The following RHOH variants were observed in gnomAD, a reference collection of about 807,000 sequenced individuals.
The protein encoded by RHOH is ras homolog family member H.
In RHOH, 6 loss-of-function variants were observed where a neutral mutation model predicts 13.8. That is an observed-to-expected ratio of 0.44 (90% CI 0.24 to 0.86). RHOH has a LOEUF of 0.86. RHOH is among the 40% of genes least tolerant of loss of function. The probability of loss-of-function intolerance (pLI) is 0.24; values close to 1 mark genes in which losing one functional copy is unlikely to be tolerated. For missense variants in RHOH, 147 were observed against 244.5 expected (o/e 0.60, Z 2.66); for synonymous variants, 117 against 103.0 (o/e 1.14, Z -0.82).
chr4:40,202,931 T>C (rs1200235211), intron 1 of RHOH, among the ~76,000 whole-genome samples: 2 of 152,168 alleles, frequency 1.3e-5, no homozygotes, highest in Non-Finnish European at 2.9e-5. Context: ...TGTAGAGCAA[T>C]GGTTCTCAAG....
chr4:40,219,581 TC>T (rs1726303539), intron 1 of RHOH, among the ~76,000 whole-genome samples: 2 of 152,146 alleles, frequency 1.3e-5, no homozygotes, highest in African/African-American at 4.8e-5. Context: ...GGTATATTTT[TC>T]ACTTTTATAC....
chr4:40,218,376 T>A lies in RHOH; in HGVS notation c.-331+21076T>A, dbSNP rs564068581. 6.6e-6 allele frequency: 1 copy of A among 152,346 alleles called. No individual in the cohort carries two copies. Among genetic ancestry groups the A allele is most frequent in the African/African-American group, 2.4e-5 (1 of 41,576 alleles). The allele number at this position is 152,346 out of a possible 1,614,324, so 9.4% of individuals were successfully genotyped here. On this transcript the variant is annotated intron_variant, in intron 1 of 2. Transcript: ENST00000381799. This position sits in a 1 kb window ranked among gnomAD's most constrained non-coding sequence, Gnocchi z 4.1. The stretch of plus-strand genomic sequence containing the variant: ...GCTGGAACATGTTCCCAGGAAAACA[T>A]GCCCAAATTCTGTTCTACCTTGTGT...
At chr4:40,199,365 C>T (rs1723664598) in intron 1 of RHOH, among the ~76,000 whole-genome samples, 1 of 152,224 alleles carries the variant, frequency 6.6e-6, no homozygotes, top group Non-Finnish European at 1.5e-5. Flanking sequence ...CCCAACATTC[C>T]TTTCCAGGGA....
chr4:40,233,911 G>GT (rs1728243723), intron 1 of RHOH, among the ~76,000 whole-genome samples: 1 of 145,224 alleles, frequency 6.9e-6, no homozygotes. Flanking sequence ...GGGCGACAGA[G>GT]TAATACTCCC....
chr4:40,230,879 A>G (rs1301136430), intron 1 of RHOH, among the ~76,000 whole-genome samples: 1 of 151,176 alleles, frequency 6.6e-6, no homozygotes, highest in Non-Finnish European at 1.5e-5. Flanking sequence ...TAGACCTAGA[A>G]AAATTTTCAG....
chr4:40,239,885 A>G (rs1729046707), intron 1 of RHOH, among the ~76,000 whole-genome samples: 1 of 152,160 alleles, frequency 6.6e-6, no homozygotes, highest in Non-Finnish European at 1.5e-5. Flanking sequence ...CTCAAGAAAA[A>G]AAAAAAAAGA....
At chr4:40,202,973 T>A (rs907939719) in intron 1 of RHOH, among the ~76,000 whole-genome samples, 23 of 152,252 alleles carry the variant, frequency 1.5e-4, no homozygotes, top group South Asian at 8.3e-4. Context: ...TAGTTTTTTT[T>A]AAATTTTTTA....
chr4:40,243,810 G>T lies in RHOH; in HGVS notation c.424G>T (p.Asp142Tyr). The T allele has an allele frequency of 6.2e-7, 1 of 1,614,164 alleles. No homozygotes were observed. ...CATGGAAGGGAAGAAACTGGCCCAG[G>T]ATGTCAGAGCCAAGGGCTACCTGGA... ...NAMEGKKLAQ[D>Y]VRAKGYLECS... The change falls in exon 3 of 3, where the codon GAT (aspartate) becomes TAT (tyrosine). Residue 142 changes from aspartate (D) to tyrosine (Y), a missense_variant. By Grantham distance (160) the Asp-to-Tyr change is radical. Coordinates refer to ENST00000381799, the MANE Select transcript of RHOH (RefSeq NM_004310.5). The surrounding 1 kb of genome is among the most constrained non-coding windows in gnomAD (Gnocchi z 6.2).
intron 1 of RHOH, among the ~76,000 whole-genome samples, chr4:40,225,950 G>A (rs113855169): frequency 2.5e-3 from 387 of 152,206 alleles, no homozygotes; most frequent in African/African-American, 8.5e-3. Context: ...AGTTCCCCCA[G>A]CTGTAAAAAT....
chr4:40,196,692 C>CTTTTTTT (rs397768063), upstream of RHOH, among the ~76,000 whole-genome samples: 1 of 117,678 alleles, frequency 8.5e-6, no homozygotes, highest in Non-Finnish European at 1.7e-5. Context: ...GTGGCATGGA[C>CTTTTTTT]TTTTTTTTTT....
chr4:40,233,848 C>A (rs1391093753), intron 1 of RHOH, among the ~76,000 whole-genome samples: 1 of 151,800 alleles, frequency 6.6e-6, no homozygotes, highest in Non-Finnish European at 1.5e-5. Context: ...ATCGCTTGAA[C>A]TTGGGAGGCA....
At chr4:40,210,256 C>A (rs1480990260) in intron 1 of RHOH, among the ~76,000 whole-genome samples, 1 of 152,140 alleles carries the variant, frequency 6.6e-6, no homozygotes, top group Non-Finnish European at 1.5e-5. Context: ...TGATACAATA[C>A]CTACCAACGG....
chr4:40,233,647 A>G (rs962845445), intron 1 of RHOH, among the ~76,000 whole-genome samples: 2 of 152,254 alleles, frequency 1.3e-5, no homozygotes, highest in Non-Finnish European at 2.9e-5. Flanking sequence ...GCGAGAAAGC[A>G]GTCATAGGCA....
chr4:40,220,787 A>G (rs1269882739), intron 1 of RHOH, among the ~76,000 whole-genome samples: 7 of 152,202 alleles, frequency 4.6e-5, no homozygotes, highest in African/African-American at 1.7e-4. Context: ...ATAGAACACT[A>G]TATATGCGTA....
intron 1 of RHOH, among the ~76,000 whole-genome samples, chr4:40,202,333 A>G (rs1724119144): frequency 1.3e-5 from 2 of 152,346 alleles, no homozygotes; most frequent in Non-Finnish European, 2.9e-5. Context: ...AATCAGAATT[A>G]AAAATTTTAA....
At chr4:40,207,679 G>T (rs1724801145) in intron 1 of RHOH, among the ~76,000 whole-genome samples, 1 of 152,212 alleles carries the variant, frequency 6.6e-6, no homozygotes, top group Non-Finnish European at 1.5e-5. Context: ...TTAAAAACTA[G>T]ATGGTGGCCG....
intron 1 of RHOH, among the ~76,000 whole-genome samples, chr4:40,201,199 A>C (rs1723930007): frequency 6.6e-6 from 1 of 152,160 alleles, no homozygotes; most frequent in South Asian, 2.1e-4. Context: ...TGAATGTTTG[A>C]GGGTGGGTAG....
chr4:40,208,019 TAA>T (rs869060810), intron 1 of RHOH, among the ~76,000 whole-genome samples: 5 of 148,570 alleles, frequency 3.4e-5, no homozygotes, highest in African/African-American at 1.2e-4. Context: ...ACAATTGTGT[TAA>T]AAAAAAAAAT....
intron 1 of RHOH, among the ~76,000 whole-genome samples, chr4:40,238,668 C>T (rs1034311868): frequency 1.6e-4 from 25 of 152,248 alleles, no homozygotes; most frequent in African/African-American, 5.5e-4. Flanking sequence ...ATGGAGACCC[C>T]GGAGGCTCTG....
Sources: allele counts gnomAD v4.1 joint callset (sites outside exome capture counted in the v4.1 genomes callset), GRCh38; gene constraint gnomAD v4.1.1; non-coding constraint Gnocchi (gnomAD v3.1); transcripts MANE v1.5; gene names NCBI Gene and HGNC (gene_info 2026-07-23, HGNC 2026-07-21).